The following SETD7 variants were observed in gnomAD, a reference collection of about 807,000 sequenced individuals.
SETD7 encodes histone-lysine N-methyltransferase SETD7.
In SETD7, 16 loss-of-function variants were observed where a neutral mutation model predicts 41.8. The ratio of observed to expected loss-of-function variants is 0.38; its 90% CI spans 0.26 to 0.58. The LOEUF is 0.58. SETD7 is among the 20% of genes least tolerant of loss of function. The probability of loss-of-function intolerance (pLI) is 0.64; values close to 1 mark genes in which losing one functional copy is unlikely to be tolerated. For synonymous variants in SETD7, 163 were observed against 169.7 expected (o/e 0.96, Z 0.31); for missense variants, 346 against 459.7 (o/e 0.75, Z 2.26).
chr4:139,524,630 A>G (rs1727272512), intron 4 of SETD7, among the ~76,000 whole-genome samples: 1 of 152,200 alleles, frequency 6.6e-6, no homozygotes, highest in Non-Finnish European at 1.5e-5. Context: ...CCAGCCAGCC[A>G]GTGGCCTCCC....
At chr4:139,537,126 C>T (rs1224938969) in intron 2 of SETD7, among the ~76,000 whole-genome samples, 2 of 152,138 alleles carry the variant, frequency 1.3e-5, no homozygotes, top group African/African-American at 4.8e-5. Context: ...CAGGCACGCG[C>T]CAACACGCCC....
intron 2 of SETD7, among the ~76,000 whole-genome samples, chr4:139,545,444 A>C (rs1727913215): frequency 6.6e-6 from 1 of 152,188 alleles, no homozygotes; most frequent in African/African-American, 2.4e-5. Context: ...AACATACTGA[A>C]ATGGGCCTCT....
intron 2 of SETD7, chr4:139,546,690 C>A: frequency 1.8e-6 from 1 of 556,816 alleles, no homozygotes; most frequent in Non-Finnish European, 3.1e-6. Flanking sequence ...TATCTTTTGG[C>A]CAAGCACACT....
downstream of SETD7, among the ~76,000 whole-genome samples, chr4:139,501,997 CT>C (rs1257038011): frequency 3.3e-5 from 5 of 152,138 alleles, no homozygotes; most frequent in African/African-American, 9.7e-5. Flanking sequence ...AAAACTCAAT[CT>C]TTTTTTCCCC....
downstream of SETD7, among the ~76,000 whole-genome samples, chr4:139,502,097 T>C (rs1471996722): frequency 1.3e-5 from 2 of 152,222 alleles, no homozygotes; most frequent in Non-Finnish European, 2.9e-5. Flanking sequence ...AAGGCTGGGA[T>C]TTCAACCCAA....
chr4:139,532,962 A>G, intron 3 of SETD7: 1 of 590,006 alleles, frequency 1.7e-6, no homozygotes, highest in Non-Finnish European at 3.0e-6. Context: ...GCTGAAAAAT[A>G]ATTAATAACG....
chr4:139,547,256 C>T (rs1166712951), intron 1 of SETD7, among the ~76,000 whole-genome samples: 1 of 152,196 alleles, frequency 6.6e-6, no homozygotes, highest in Admixed American at 6.5e-5. Flanking sequence ...TTGTTATGTA[C>T]ACTTTGTGAA....
At chr4:139,554,883 T>A (rs2111183503) in intron 1 of SETD7, among the ~76,000 whole-genome samples, 1 of 152,318 alleles carries the variant, frequency 6.6e-6, no homozygotes, top group South Asian at 2.1e-4. Flanking sequence ...CATGTATCCT[T>A]ATGCATTTGT....
chr4:139,531,470 C>A (rs979273589), intron 3 of SETD7, among the ~76,000 whole-genome samples: 3 of 152,140 alleles, frequency 2.0e-5, no homozygotes, highest in African/African-American at 7.2e-5. Flanking sequence ...AGATGCCCAC[C>A]CTGGCTACTC....
chr4:139,525,018 T>C (rs1001643729), intron 4 of SETD7, among the ~76,000 whole-genome samples: 1 of 152,186 alleles, frequency 6.6e-6, no homozygotes, highest in Non-Finnish European at 1.5e-5. Flanking sequence ...GGTTTCGCCC[T>C]GTTGGCCAGG....
At chr4:139,546,795 G>T in intron 2 of SETD7, 125 bp downstream of exon 2, 1 of 1,309,460 alleles carries the variant, frequency 7.6e-7, no homozygotes, top group South Asian at 1.2e-5. Flanking sequence ...CCTACAGGTA[G>T]GGGTTAATTT....
At chr4:139,524,710 C>T (rs71606848) in intron 4 of SETD7, among the ~76,000 whole-genome samples, 5 of 152,172 alleles carry the variant, frequency 3.3e-5, no homozygotes, top group African/African-American at 1.2e-4. Context: ...GGGCAGCAGC[C>T]TCTTGCAATA....
chr4:139,522,445 G>A lies in SETD7; in HGVS notation c.644+909C>T, dbSNP rs1727202880. On this transcript the variant is annotated intron_variant, in intron 5 of 7. Coordinates refer to ENST00000274031, the MANE Select transcript of SETD7 (RefSeq NM_030648.4). ...TAAGACATGAAGTAGAACAGGATGT[G>A]ACCCTCTGGGAGTGGGCTTACAAAC... 3.3e-5 allele frequency among the ~76,000 whole-genome samples: 5 copies of A among 152,202 alleles called. No homozygotes were observed. In the South Asian group the frequency reaches 1.0e-3, roughly 31 times the overall value.
chr4:139,517,858 G>A (rs560996338), intron 7 of SETD7, 27 bp downstream of exon 7: 21 of 1,597,048 alleles, frequency 1.3e-5, no homozygotes, highest in East Asian at 1.1e-4. Context: ...GCATAGATCC[G>A]CCCCAGCAGC....
intron 4 of SETD7, among the ~76,000 whole-genome samples, chr4:139,527,858 AT>A (rs1191314729): frequency 1.3e-5 from 2 of 152,180 alleles, no homozygotes; most frequent in Non-Finnish European, 2.9e-5. Flanking sequence ...GACTGTCTCC[AT>A]TTTTAACTTA....
At chr4:139,521,648 TC>T (rs1727183722) in intron 5 of SETD7, among the ~76,000 whole-genome samples, 1 of 152,142 alleles carries the variant, frequency 6.6e-6, no homozygotes, top group Admixed American at 6.5e-5. Flanking sequence ...TTGTAGTGCC[TC>T]CCTCAGGGTG....
chr4:139,519,672 C>T (rs191420496), intron 6 of SETD7, among the ~76,000 whole-genome samples: 6 of 152,312 alleles, frequency 3.9e-5, no homozygotes, highest in Admixed American at 2.6e-4. Flanking sequence ...GTCCCATACA[C>T]GTAATATAAG....
downstream of SETD7, among the ~76,000 whole-genome samples, chr4:139,502,921 G>T (rs916009031): frequency 6.6e-6 from 1 of 152,006 alleles, no homozygotes; most frequent in Admixed American, 6.6e-5. Context: ...GGTGGCTCAC[G>T]CCTGTAATCC....
chr4:139,505,481 T>C (rs56989504), downstream of SETD7, among the ~76,000 whole-genome samples: 19,866 of 151,942 alleles, frequency 0.13, 1,429 homozygotes, highest in South Asian at 0.17. Context: ...CCCAGCTACT[T>C]GGGAGGCTGA....
Sources: allele counts gnomAD v4.1 joint callset (sites outside exome capture counted in the v4.1 genomes callset), GRCh38; gene constraint gnomAD v4.1.1; transcripts MANE v1.5; gene names NCBI Gene and HGNC (gene_info 2026-07-23, HGNC 2026-07-21).